Variants in SKIC3 observed in about 807,000 individuals in gnomAD.
The protein encoded by SKIC3 is superkiller complex protein 3.
chr5:95,553,972 A>G, the SKIC3 span, among the ~76,000 whole-genome samples: 12 of 152,246 alleles, frequency 7.9e-5, no homozygotes, highest in African/African-American at 2.7e-4. Context: ...GTTACGGCAC[A>G]GACTCTTCAA....
At chr5:95,525,618 C>T in the SKIC3 span, 7 of 1,613,908 alleles carry the variant, frequency 4.3e-6, 1 homozygote, top group South Asian at 3.3e-5. Flanking sequence ...ACCTTTGTTC[C>T]GATAGGCCAA....
chr5:95,470,054 T>C, the SKIC3 span: 1 of 788,114 alleles, frequency 1.3e-6, no homozygotes, highest in East Asian at 3.8e-5. Flanking sequence ...TCGGCTCACT[T>C]GCAAGCTCTG....
the SKIC3 span, among the ~76,000 whole-genome samples, chr5:95,496,112 G>C: frequency 6.6e-6 from 1 of 151,954 alleles, no homozygotes; most frequent in South Asian, 2.1e-4. Context: ...CCGCCTCCCG[G>C]GTTCAAGTGA....
At chr5:95,472,222 C>G in the SKIC3 span, among the ~76,000 whole-genome samples, 1,848 of 152,296 alleles carry the variant, frequency 0.012, 39 homozygotes, top group African/African-American at 0.042. Context: ...CTAACAAACT[C>G]TGAGAGTGTT....
the SKIC3 span, among the ~76,000 whole-genome samples, chr5:95,483,990 A>G: frequency 6.6e-6 from 1 of 152,166 alleles, no homozygotes; most frequent in Non-Finnish European, 1.5e-5. Context: ...TCAGAAATCA[A>G]AGGAAAATAC....
the SKIC3 span, among the ~76,000 whole-genome samples, chr5:95,515,804 T>C: frequency 1.1e-4 from 16 of 152,242 alleles, no homozygotes; most frequent in African/African-American, 3.1e-4. Flanking sequence ...GTATTACCTA[T>C]AGATTTATGG....
At chr5:95,533,507 A>G in the SKIC3 span, among the ~76,000 whole-genome samples, 1 of 152,178 alleles carries the variant, frequency 6.6e-6, no homozygotes, top group South Asian at 2.1e-4. Context: ...CACCTCAAGA[A>G]TACTACTTTA....
the SKIC3 span, chr5:95,525,377 G>T: frequency 1.2e-6 from 2 of 1,605,274 alleles, no homozygotes; most frequent in South Asian, 1.1e-5. Flanking sequence ...ATGGTTCTAT[G>T]AGCAATTTAT....
the SKIC3 span, chr5:95,497,511 G>T: frequency 6.2e-7 from 1 of 1,601,578 alleles, no homozygotes. Flanking sequence ...AAAGTAGCAG[G>T]CTTAGGGACA....
At chr5:95,471,690 C>T in the SKIC3 span, among the ~76,000 whole-genome samples, 11 of 152,176 alleles carry the variant, frequency 7.2e-5, no homozygotes, top group African/African-American at 2.4e-4. Context: ...CTGCCAACTC[C>T]TGTGGCTAAT....
At chr5:95,500,403 A>G in the SKIC3 span, among the ~76,000 whole-genome samples, 1 of 152,208 alleles carries the variant, frequency 6.6e-6, no homozygotes, top group Admixed American at 6.5e-5. Flanking sequence ...CCAAAACAGG[A>G]AATACTAAAA....
chr5:95,469,833 T>A, the SKIC3 span: 20 of 1,614,128 alleles, frequency 1.2e-5, no homozygotes, highest in Middle Eastern at 1.6e-4. Context: ...GAACAGCCAG[T>A]GGACAAAAGC....
At chr5:95,537,261 C>T in the SKIC3 span, 3 of 908,196 alleles carry the variant, frequency 3.3e-6, no homozygotes, top group Middle Eastern at 3.2e-4. Flanking sequence ...TACAGTCTAA[C>T]CCTGACAACT....
chr5:95,534,163 T>C, the SKIC3 span, among the ~76,000 whole-genome samples: 236 of 151,676 alleles, frequency 1.6e-3, 1 homozygote, highest in African/African-American at 5.5e-3. Flanking sequence ...CTGAGTCTTA[T>C]ATTAAAATTG....
chr5:95,551,544 A>C, the SKIC3 span, among the ~76,000 whole-genome samples: 1 of 152,220 alleles, frequency 6.6e-6, no homozygotes, highest in Admixed American at 6.5e-5. Context: ...ATAGTTAAAA[A>C]AGAAAAAAAA....
the SKIC3 span, chr5:95,464,406 A>AT: frequency 9.8e-6 from 5 of 511,746 alleles, no homozygotes; most frequent in South Asian, 2.3e-5. Flanking sequence ...TCCCAAATTA[A>AT]ATTTTTTTTT....
the SKIC3 span, among the ~76,000 whole-genome samples, chr5:95,541,660 T>C: frequency 6.6e-6 from 1 of 151,814 alleles, no homozygotes; most frequent in African/African-American, 2.4e-5. Context: ...GTTTTGATTC[T>C]ATTTTAATCA....
At chr5:95,509,552 C>T in the SKIC3 span, 2 of 1,433,954 alleles carry the variant, frequency 1.4e-6, no homozygotes, top group Non-Finnish European at 2.0e-6. Flanking sequence ...AACCCTTCCC[C>T]TCATCTTCCT....
the SKIC3 span, among the ~76,000 whole-genome samples, chr5:95,475,205 T>A: frequency 6.6e-6 from 1 of 152,200 alleles, no homozygotes; most frequent in Non-Finnish European, 1.5e-5. Context: ...GTTCTTGTGC[T>A]GATTCTTTCT....
Sources: allele counts gnomAD v4.1 joint callset (sites outside exome capture counted in the v4.1 genomes callset), GRCh38; gene constraint gnomAD v4.1.1; transcripts MANE v1.5; gene names NCBI Gene and HGNC (gene_info 2026-07-23, HGNC 2026-07-21).